The following FRY variants were observed in gnomAD, a reference collection of about 807,000 sequenced individuals.
The protein encoded by FRY is FRY microtubule binding protein.
FRY carries 128 observed loss-of-function variants against 348.4 expected under a neutral mutation model. The ratio of observed to expected loss-of-function variants is 0.37; its 90% CI spans 0.32 to 0.43. The LOEUF is 0.43. Ranked by LOEUF, FRY falls within the 20% of genes least tolerant of loss-of-function variation. FRY has a pLI of 1.00. For missense variants in FRY, 2,736 were observed against 3,695.2 expected (o/e 0.74, Z 6.73); for synonymous variants, 1,370 against 1,374.7 (o/e 1.00, Z 0.08).
At chr13:32,187,484 G>T (rs1485674908) in intron 27 of FRY, 62 bp from the exon 28 acceptor site, 3 of 949,014 alleles carry the variant, frequency 3.2e-6, no homozygotes, top group South Asian at 1.3e-5. Context: ...TATAAAGTCA[G>T]TTGGATACCA....
At chr13:32,086,432 C>A (rs1341556116) in intron 2 of FRY, among the ~76,000 whole-genome samples, 3 of 152,198 alleles carry the variant, frequency 2.0e-5, no homozygotes, top group African/African-American at 7.2e-5. Flanking sequence ...ATAAAAGCAG[C>A]ATTCACTCTC....
chr13:32,047,990 A>T (rs1368618819), intron 1 of FRY, among the ~76,000 whole-genome samples: 1 of 152,072 alleles, frequency 6.6e-6, no homozygotes, highest in Non-Finnish European at 1.5e-5. Context: ...ACCCACTTCC[A>T]CTTCCCCTTC....
chr13:32,039,687 ACT>A (rs2138356920), intron 1 of FRY, among the ~76,000 whole-genome samples: 2 of 152,212 alleles, frequency 1.3e-5, no homozygotes, highest in South Asian at 4.1e-4. Flanking sequence ...AGCATATCAG[ACT>A]CTGTAATGAG....
rs1287945737 is a variant in FRY at position 32,147,938 on chromosome 13, C to T, written c.1383C>T (p.Phe461=). The T allele has an allele frequency of 7.0e-6, 11 of 1,571,360 alleles. No homozygotes were observed. The highest frequency in any genetic ancestry group is 9.6e-6 in the Non-Finnish European group (11 of 1,141,120). The part of the protein sequence containing the change: ...PLNIFVKIIQ[F]IAQERLDFAM... ...ACATCTTTGTGAAAATCATCCAGTT[C>T]ATTGCCCAGGTAATGGAGAAGATTC... The change falls in exon 13 of 61, where the codon TTC becomes TTT. Residue 461 remains phenylalanine (F), a synonymous_variant. Coordinates refer to ENST00000542859, the MANE Select transcript of FRY (RefSeq NM_023037.3).
rs202232097 is a variant in FRY at position 32,165,684 on chromosome 13, CT to C, written c.1892+4437del. Among the ~76,000 whole-genome samples, 537 of 152,282 alleles carry C rather than the reference CT, an allele frequency of 3.5e-3. 1 individual carries two copies. The highest frequency in any genetic ancestry group is 0.014 in the Middle Eastern group (4 of 294). On this transcript the variant is annotated intron_variant, in intron 17 of 60. Coordinates refer to ENST00000542859, the MANE Select transcript of FRY (RefSeq NM_023037.3). ...AAGGAGGATGTTTCTCCTAATTTATCTTTTCTTCTGGATATGGTTTGTGAAT... is the reference window on the plus strand; with the variant it reads ...AAGGAGGATGTTTCTCCTAATTTATCTTTCTTCTGGATATGGTTTGTGAAT...
intron 2 of FRY, among the ~76,000 whole-genome samples, chr13:32,091,794 C>T (rs1876329975): frequency 6.6e-6 from 1 of 152,144 alleles, no homozygotes; most frequent in Non-Finnish European, 1.5e-5. Context: ...TCAAAACCCT[C>T]AACTGATTAT....
intron 1 of FRY, among the ~76,000 whole-genome samples, chr13:32,053,402 T>C (rs550747795): frequency 2.6e-5 from 4 of 152,344 alleles, no homozygotes; most frequent in Admixed American, 1.3e-4. Context: ...ATCCTTTGAA[T>C]GAAGCTCTCT....
intron 2 of FRY, among the ~76,000 whole-genome samples, chr13:32,092,761 GT>G (rs1876406468): frequency 3.3e-5 from 5 of 152,278 alleles, no homozygotes; most frequent in Admixed American, 3.3e-4. Context: ...CACGCAGCAG[GT>G]GAGGTATCTC....
At chr13:32,221,500 A>T (rs539747258) in intron 36 of FRY, among the ~76,000 whole-genome samples, 1 of 152,214 alleles carries the variant, frequency 6.6e-6, no homozygotes, top group Admixed American at 6.5e-5. Flanking sequence ...GTGTTGCTGT[A>T]CTTATTTTAT....
rs199608184 is a variant in FRY, at chr13:32,262,378, C to T, written c.7682C>T (p.Ser2561Leu). 5.9e-5 allele frequency: 95 copies of T among 1,613,294 alleles called. No individual in the cohort carries two copies. In the Middle Eastern group the frequency reaches 6.6e-4, roughly 11 times the overall value. ...GAGCTGCTCACCACAGCCTGTGACT[C>T]GACCCCTGCAGAACCTCATTCCTTT... Reference protein sequence around the residue: ...PMELLTTACDSTPAEPHSFNT... With the variant: ...PMELLTTACDLTPAEPHSFNT... The change falls in exon 53 of 61, where the codon TCG (serine) becomes TTG (leucine). Residue 2561 changes from serine to leucine, a missense_variant. By Grantham distance (145) the Ser-to-Leu change is moderately radical. Coordinates refer to ENST00000542859, the MANE Select transcript of FRY (RefSeq NM_023037.3).
At chr13:32,085,330 T>C (rs1875784832) in intron 2 of FRY, among the ~76,000 whole-genome samples, 1 of 152,192 alleles carries the variant, frequency 6.6e-6, no homozygotes, top group South Asian at 2.1e-4. Context: ...CACAGGCAAT[T>C]ACCTTCTCAG....
intron 1 of FRY, among the ~76,000 whole-genome samples, chr13:32,055,328 C>CCT (rs1873563853): frequency 1.3e-5 from 2 of 152,246 alleles, no homozygotes; most frequent in South Asian, 4.2e-4. Flanking sequence ...CAGGAATGAG[C>CCT]CACCATGCCT....
intron 11 of FRY, among the ~76,000 whole-genome samples, chr13:32,144,079 C>T (rs1329891548): frequency 2.0e-5 from 3 of 151,836 alleles, no homozygotes; most frequent in South Asian, 2.1e-4. Flanking sequence ...AATTGGAAGA[C>T]GAGTAGTCAG....
intron 36 of FRY, 72 bp downstream of exon 36, chr13:32,218,903 T>G (rs1383020958): frequency 3.5e-6 from 3 of 855,018 alleles, no homozygotes; most frequent in Admixed American, 3.5e-5. Flanking sequence ...AGTGTTCTGA[T>G]TGTTCTTGGT....
rs534407099 is a variant in FRY, at chr13:32,217,652, G to A, written c.4683-1097G>A. Among the ~76,000 whole-genome samples, 5 of 152,286 alleles carry A rather than the reference G, an allele frequency of 3.3e-5. No homozygotes were observed. In the South Asian group the frequency reaches 1.0e-3, roughly 32 times the overall value. On this transcript the variant is annotated intron_variant, in intron 35 of 60. Transcript: ENST00000542859. Reference sequence around the variant, plus strand: ...CCTTAAAGCTCCACGCAGGGAGTTGGCATGGCACTGAAGGCCTCCTGCACT... The same window carrying A: ...CCTTAAAGCTCCACGCAGGGAGTTGACATGGCACTGAAGGCCTCCTGCACT...
chr13:32,191,464 G>C (rs1192980330), intron 28 of FRY, among the ~76,000 whole-genome samples: 1 of 152,138 alleles, frequency 6.6e-6, no homozygotes, highest in African/African-American at 2.4e-5. Flanking sequence ...ATAGAAAAAT[G>C]AGCAAGAAAC....
At chr13:32,286,579 C>G (rs747322770) in intron 58 of FRY, among the ~76,000 whole-genome samples, 1 of 151,610 alleles carries the variant, frequency 6.6e-6, no homozygotes, top group Non-Finnish European at 1.5e-5. Flanking sequence ...AACCCTGTCT[C>G]TACTAAATAC....
intron 41 of FRY, among the ~76,000 whole-genome samples, chr13:32,233,397 T>C (rs1255687188): frequency 6.6e-6 from 1 of 152,224 alleles, no homozygotes; most frequent in Non-Finnish European, 1.5e-5. Context: ...GCACAGCAAG[T>C]ATATAATTTA....
At chr13:32,080,742 T>C (rs1428071013) in intron 2 of FRY, among the ~76,000 whole-genome samples, 3 of 152,098 alleles carry the variant, frequency 2.0e-5, no homozygotes, top group Non-Finnish European at 4.4e-5. Context: ...GGAAGCTACC[T>C]CCATTTCAGA....
Sources: allele counts gnomAD v4.1 joint callset (sites outside exome capture counted in the v4.1 genomes callset), GRCh38; gene constraint gnomAD v4.1.1; transcripts MANE v1.5; gene names NCBI Gene and HGNC (gene_info 2026-07-23, HGNC 2026-07-21).